The following ANKS1B variants were observed in gnomAD, a reference collection of about 807,000 sequenced individuals.
ANKS1B encodes the protein ankyrin repeat and sterile alpha motif domain-containing protein 1B.
ANKS1B carries 36 observed loss-of-function variants against 148.3 expected under a neutral mutation model. The observed-to-expected ratio is 0.24, with a 90% CI of 0.19 to 0.32. The LOEUF (loss-of-function observed/expected upper bound fraction) is 0.32, where lower values mean the gene tolerates loss of function less well. Ranked by LOEUF, ANKS1B falls within the 10% of genes least tolerant of loss-of-function variation. The pLI is 1.00. For synonymous variants in ANKS1B, 542 were observed against 560.8 expected (o/e 0.97, Z 0.47); for missense variants, 1,157 against 1,542.6 (o/e 0.75, Z 4.19).
At chr12:99,455,749 A>G (rs1159446193) in intron 10 of ANKS1B, among the ~76,000 whole-genome samples, 1 of 152,016 alleles carries the variant, frequency 6.6e-6, no homozygotes, top group Non-Finnish European at 1.5e-5. Flanking sequence ...CACCCCCAAC[A>G]GTAGCCACAG....
intron 12 of ANKS1B, among the ~76,000 whole-genome samples, chr12:99,342,946 C>T (rs895447685): frequency 1.3e-5 from 2 of 151,724 alleles, no homozygotes; most frequent in African/African-American, 4.8e-5. Flanking sequence ...ATGCTTACAT[C>T]AAGAATACTA....
intron 11 of ANKS1B, among the ~76,000 whole-genome samples, chr12:99,405,194 A>G (rs1431396185): frequency 2.1e-5 from 3 of 145,914 alleles, no homozygotes; most frequent in Non-Finnish European, 4.5e-5. Flanking sequence ...TTAATGAGCA[A>G]CAAGAAATCA....
chr12:98,745,900 C>A, intron 26 of ANKS1B, 51 bp from the exon 27 acceptor site: 2 of 1,570,254 alleles, frequency 1.3e-6, no homozygotes, highest in South Asian at 2.3e-5. Flanking sequence ...CGCGGGTGCG[C>A]GCATGCACGC....
Position 98,809,771 on chromosome 12 carries a change from A to G in ANKS1B, c.3067-1853T>C, listed in dbSNP as rs2099080043. On this transcript the variant is annotated intron_variant, in intron 19 of 26. Coordinates refer to ENST00000683438, the MANE Select transcript of ANKS1B (RefSeq NM_001352186.2). ...AACGGACCCCCTTGTGGCCAAGGGGACCCCAGAAAAACCTTAAAATTGAGT... is the reference window on the plus strand; with the variant it reads ...AACGGACCCCCTTGTGGCCAAGGGGGCCCCAGAAAAACCTTAAAATTGAGT... 2.0e-5 allele frequency among the ~76,000 whole-genome samples: 3 copies of G among 152,100 alleles called. No individual in the cohort carries two copies. In the South Asian group the frequency reaches 6.2e-4, roughly 32 times the overall value.
At chr12:99,644,072 T>C (rs1030795416) in intron 9 of ANKS1B, among the ~76,000 whole-genome samples, 3 of 152,164 alleles carry the variant, frequency 2.0e-5, no homozygotes, top group Non-Finnish European at 4.4e-5. Flanking sequence ...CATTTCAGTA[T>C]AGGCAACAAG....
chr12:99,642,902 C>A lies in ANKS1B; in HGVS notation c.1272+12165G>T, dbSNP rs984527658. On this transcript the variant is annotated intron_variant, in intron 9 of 26. Coordinates refer to ENST00000683438, the MANE Select transcript of ANKS1B (RefSeq NM_001352186.2). ...CTTGGCTCATAGCCTCTTCCTCCAT[C>A]TTCAAAGCTAGCAATGTAACATCTT... 2.6e-5 allele frequency among the ~76,000 whole-genome samples: 4 copies of A among 152,188 alleles called. No homozygotes were observed. The East Asian group carries it at 7.7e-4, about 29-fold the overall frequency.
chr12:99,309,712 T>C (rs1339899879), intron 12 of ANKS1B, among the ~76,000 whole-genome samples: 4 of 152,124 alleles, frequency 2.6e-5, no homozygotes, highest in South Asian at 2.1e-4. Context: ...GAAGTTTTCA[T>C]TGTTGAATAC....
At chr12:98,811,737 G>A (rs1566782229) in intron 19 of ANKS1B, among the ~76,000 whole-genome samples, 1 of 152,166 alleles carries the variant, frequency 6.6e-6, no homozygotes, top group African/African-American at 2.4e-5. Flanking sequence ...GGCAGGGCAG[G>A]ATTCACACTG....
chr12:99,771,278 C>CTATATA (rs930142374), intron 8 of ANKS1B, among the ~76,000 whole-genome samples: 2 of 151,596 alleles, frequency 1.3e-5, no homozygotes, highest in African/African-American at 4.8e-5. Flanking sequence ...GAAATGCAGT[C>CTATATA]TATATATATA....
chr12:99,551,524 AGAGGAGAGGG>A (rs1217906340), intron 9 of ANKS1B, among the ~76,000 whole-genome samples: 3 of 80,722 alleles, frequency 3.7e-5, no homozygotes, highest in Non-Finnish European at 6.8e-5. Flanking sequence ...GAAGGAAAGG[AGAGGAGAGGG>A]GAGGGGAGGG....
intron 8 of ANKS1B, among the ~76,000 whole-genome samples, chr12:99,698,973 G>GTGTGTGTGTGT (rs56223205): frequency 0.2 from 24,055 of 119,466 alleles, 2,280 homozygotes; most frequent in East Asian, 0.48. Flanking sequence ...TGTGTGTGTG[G>GTGTGTGTGTGT]GTGTGCACGC....
intron 9 of ANKS1B, among the ~76,000 whole-genome samples, chr12:99,640,798 T>C (rs914048692): frequency 6.6e-6 from 1 of 152,180 alleles, no homozygotes; most frequent in Non-Finnish European, 1.5e-5. Context: ...GAGTAATGAA[T>C]GGACAGATGC....
In ANKS1B at chr12:99,907,812, T is replaced by TAAAAAAAA. The variant is rs751468199; in HGVS notation, c.134+76284_134+76291dup. 4.0e-5 allele frequency among the ~76,000 whole-genome samples: 4 copies of TAAAAAAAA among 100,160 alleles called. 1 individual carries two copies. The highest frequency in any genetic ancestry group is 3.4e-4 in the East Asian group (1 of 2,934). 65.7% of individuals were successfully genotyped at this position (100,160 alleles called of 152,430 possible). On this transcript the variant is annotated intron_variant, in intron 1 of 26. Coordinates refer to ENST00000683438, the MANE Select transcript of ANKS1B (RefSeq NM_001352186.2). ...GTTTTCTCCTCTCCAGAGAAATTCT[T>TAAAAAAAA]AAAAAAAAAAAAAAAAAAAAAAAAA...
chr12:99,454,649 C>A (rs2095816656), intron 10 of ANKS1B, among the ~76,000 whole-genome samples: 1 of 152,180 alleles, frequency 6.6e-6, no homozygotes. Context: ...TAATAATTCA[C>A]CAGAGGTATG....
chr12:99,372,648 C>T (rs867096469), intron 12 of ANKS1B, among the ~76,000 whole-genome samples: 4 of 152,140 alleles, frequency 2.6e-5, no homozygotes, highest in Middle Eastern at 3.4e-3. Context: ...GCTTCTTTCC[C>T]CACTTCCTCC....
intron 16 of ANKS1B, among the ~76,000 whole-genome samples, chr12:99,060,432 G>C (rs2042011497): frequency 6.6e-6 from 1 of 151,992 alleles, no homozygotes; most frequent in Non-Finnish European, 1.5e-5. Flanking sequence ...TTCAACCAGA[G>C]TAACTCTTAT....
chr12:98,857,294 G>T (rs1373706500), intron 17 of ANKS1B, among the ~76,000 whole-genome samples: 1 of 152,252 alleles, frequency 6.6e-6, no homozygotes, highest in Non-Finnish European at 1.5e-5. Context: ...GCACCTGCAT[G>T]AGAGGAGTGG....
chr12:99,759,807 A>C (rs914718840), intron 8 of ANKS1B, among the ~76,000 whole-genome samples: 1 of 151,982 alleles, frequency 6.6e-6, no homozygotes, highest in African/African-American at 2.4e-5. Flanking sequence ...AGGTTAAAAG[A>C]AAGGTGAATT....
chr12:99,192,131 C>CAAAAAAAAAA (rs35767286), intron 14 of ANKS1B, among the ~76,000 whole-genome samples: 1 of 57,798 alleles, frequency 1.7e-5, no homozygotes, highest in Non-Finnish European at 3.0e-5. Context: ...GACTCCATCT[C>CAAAAAAAAAA]AAAAAAAAAA....
Sources: allele counts gnomAD v4.1 joint callset (sites outside exome capture counted in the v4.1 genomes callset), GRCh38; gene constraint gnomAD v4.1.1; transcripts MANE v1.5; gene names NCBI Gene and HGNC (gene_info 2026-07-23, HGNC 2026-07-21).